Variants in CHD3 observed in about 807,000 individuals in gnomAD.
CHD3 encodes the protein ATP-dependent chromatin remodeler CHD3.
CHD3 carries 52 observed loss-of-function variants against 248.9 expected under a neutral mutation model. The ratio of observed to expected loss-of-function variants is 0.21; its 90% CI spans 0.17 to 0.26. The LOEUF is 0.26. CHD3 is among the 10% of genes least tolerant of loss of function. The pLI, the probability that CHD3 is intolerant of heterozygous loss-of-function variation, is 1.00. For synonymous variants in CHD3, 985 were observed against 985.2 expected (o/e 1.00, Z 0.00); for missense variants, 1,482 against 2,605.8 (o/e 0.57, Z 9.39).
chr17:7,908,115 T>G lies in CHD3; in HGVS notation c.5152+96T>G, dbSNP rs1971224670. On this transcript the variant is annotated intron_variant, in intron 34 of 39. Coordinates refer to ENST00000330494, the MANE Select transcript of CHD3 (RefSeq NM_001005273.3). The surrounding 1 kb of genome is among the most constrained non-coding windows in gnomAD (Gnocchi z 5.8). The stretch of plus-strand genomic sequence containing the variant: ...CCTGAGGCTTCCTGCTACCTTTAAT[T>G]CCAAGTAACTTCCAATGAAGTATGT... 2 of 1,398,520 alleles carry G rather than the reference T, an allele frequency of 1.4e-6. No individual in the cohort carries two copies. Among genetic ancestry groups the G allele is most frequent in the South Asian group, 1.4e-5 (1 of 72,124 alleles). 86.6% of individuals were successfully genotyped at this position (1,398,520 alleles called of 1,614,324 possible). A position where few individuals can be genotyped will look rare whatever the true frequency, so the allele number is the denominator to read the frequency against.
chr17:7,902,959 C>T lies in CHD3; in HGVS notation c.3393C>T (p.Cys1131=), dbSNP rs1488011923. Reference sequence around the variant, plus strand: ...TAGCTCCTGGGGCCCAACAATTCTGCTTCCTCCTGTCCACCCGAGCTGGGG... The same window carrying T: ...TAGCTCCTGGGGCCCAACAATTCTGTTTCCTCCTGTCCACCCGAGCTGGGG... ...RFNAPGAQQF[C]FLLSTRAGGL... The change falls in exon 22 of 40, where the codon TGC becomes TGT. Residue 1131 remains cysteine (C), a synonymous_variant. Coordinates refer to ENST00000330494, the MANE Select transcript of CHD3 (RefSeq NM_001005273.3). The T allele has an allele frequency of 6.2e-7, 1 of 1,614,142 alleles. No homozygotes were observed. Among genetic ancestry groups the T allele is most frequent in the Non-Finnish European group, 8.5e-7 (1 of 1,180,038 alleles).
At chr17:7,898,187 A>G in intron 12 of CHD3, 85 bp downstream of exon 12, 1 of 1,529,416 alleles carries the variant, frequency 6.5e-7, no homozygotes, top group Admixed American at 1.9e-5. Flanking sequence ...AGGGTACAGT[A>G]GGGCCTGATT....
chr17:7,898,876 T>G, intron 13 of CHD3, 135 bp from the exon 14 acceptor site: 3 of 810,082 alleles, frequency 3.7e-6, no homozygotes, highest in Admixed American at 4.7e-5. Context: ...AGACTAGATG[T>G]GAGAACTTTT....
chr17:7,884,836 G>A, upstream of CHD3: 1 of 1,033,464 alleles, frequency 9.7e-7, no homozygotes, highest in Non-Finnish European at 1.4e-6. Flanking sequence ...ACGAGGAGGA[G>A]GAGGAGGAGG....
At chr17:7,885,301 C>CGCCGCCGCCGCCGCCG (rs1967645649), upstream of CHD3, 1 of 137,462 alleles carries the variant, frequency 7.3e-6, no homozygotes, top group Non-Finnish European at 1.2e-5. Flanking sequence ...CCCGCCGCAC[C>CGCCGCCGCCGCCGCCG]CCTCCCCCGC....
At position 7,903,484 on chromosome 17, in the gene CHD3, A is replaced by C; in HGVS notation, c.3708A>C (p.Leu1236=). ...DDILKFGTEE[L]FKDENEGENK... is the part of the protein sequence containing the mutation. ...TTCTCAAATTTGGCACTGAAGAGCTATTCAAGGATGAAAACGAGGGTGAGA... is the reference window on the plus strand; with the variant it reads ...TTCTCAAATTTGGCACTGAAGAGCTCTTCAAGGATGAAAACGAGGGTGAGA... The change falls in exon 23 of 40, where the codon CTA becomes CTC. Residue 1236 remains leucine, a synonymous_variant. Coordinates refer to ENST00000330494, the MANE Select transcript of CHD3 (RefSeq NM_001005273.3). This position sits in a 1 kb window ranked among gnomAD's most constrained non-coding sequence, Gnocchi z 6.8. The C allele has an allele frequency of 6.2e-7, 1 of 1,613,906 alleles. No homozygotes were observed.
rs1164632060 is a variant in CHD3 at position 7,910,903 on chromosome 17, C to CA, written c.5811_5812insA (p.Ala1938SerfsTer104). The CA allele has an allele frequency of 6.2e-7, 1 of 1,613,462 alleles. No individual in the cohort carries two copies. Among genetic ancestry groups the CA allele is most frequent in the Non-Finnish European group, 8.5e-7 (1 of 1,179,860 alleles). Reference sequence around the variant, plus strand: ...CGGGGTACGGGGCGGCCTTCAGCGCCGCACCCGTAGGGGCCCTGGCCGCCG... The same window carrying CA: ...CGGGGTACGGGGCGGCCTTCAGCGCCAGCACCCGTAGGGGCCCTGGCCGCCG... On this transcript the variant is annotated frameshift_variant, in exon 39 of 40. Coordinates refer to ENST00000330494, the MANE Select transcript of CHD3 (RefSeq NM_001005273.3). LOFTEE classifies it high-confidence loss of function. This position sits in a 1 kb window ranked among gnomAD's most constrained non-coding sequence, Gnocchi z 4.7.
chr17:7,894,654 A>G (rs747954298), intron 8 of CHD3, 46 bp downstream of exon 8: 1 of 1,568,734 alleles, frequency 6.4e-7, no homozygotes, highest in South Asian at 1.2e-5. Context: ...GAACCCACCC[A>G]TCTCTTTCCC....
At position 7,895,437 on chromosome 17, in the gene CHD3, A is replaced by G; in HGVS notation, c.1602A>G (p.Pro534=). The G allele has an allele frequency of 6.2e-7, 1 of 1,614,136 alleles. No homozygotes were observed. Among genetic ancestry groups the G allele is most frequent in the Non-Finnish European group, 8.5e-7 (1 of 1,180,010 alleles). The part of the protein sequence containing the change: ...VPAPQQADGN[P]DVPPPRPLQG... ...CCCCTCAACAGGCAGATGGAAATCC[A>G]GATGTCCCACCCCCCCGTCCTCTTC... The change falls in exon 10 of 40, where the codon CCA becomes CCG. Residue 534 remains proline, a synonymous_variant. Coordinates refer to ENST00000330494, the MANE Select transcript of CHD3 (RefSeq NM_001005273.3). The surrounding 1 kb of genome is among the most constrained non-coding windows in gnomAD (Gnocchi z 4.9).
At chr17:7,885,976 A>T (rs770977887), upstream of CHD3, among the ~76,000 whole-genome samples, 12 of 152,084 alleles carry the variant, frequency 7.9e-5, no homozygotes, top group Non-Finnish European at 1.6e-4. Context: ...CACCCCCTTC[A>T]TCTCGCCGGG....
intron 4 of CHD3, 23 bp from the exon 5 acceptor site, chr17:7,893,263 G>A (rs1174220707): frequency 1.3e-6 from 2 of 1,587,072 alleles, no homozygotes; most frequent in Non-Finnish European, 1.7e-6. Flanking sequence ...AAGGGTCCGA[G>A]TTTTCTGCTT....
chr17:7,893,260 C>A (rs372182228), intron 4 of CHD3, 26 bp from the exon 5 acceptor site: 11 of 1,580,830 alleles, frequency 7.0e-6, no homozygotes, highest in Non-Finnish European at 9.5e-6. Flanking sequence ...GTGAAGGGTC[C>A]GAGTTTTCTG....
At position 7,890,960 on chromosome 17, in the gene CHD3, A is replaced by G; in HGVS notation, c.405A>G (p.Ser135=). Residue 135 remains serine, a synonymous_variant, in exon 4 of 40, where the codon TCA becomes TCG. Coordinates refer to ENST00000330494, the MANE Select transcript of CHD3 (RefSeq NM_001005273.3). The part of the protein sequence containing the change: ...GGQKQVEQKS[S]ATLLLTWGLE... ...CGCAGCAAGTGGAACAGAAGTCATCAGCAACTCTGCTTCTGACCTGGGGCC... is the reference window on the plus strand; with the variant it reads ...CGCAGCAAGTGGAACAGAAGTCATCGGCAACTCTGCTTCTGACCTGGGGCC... The G allele has an allele frequency of 6.2e-7, 1 of 1,614,148 alleles. No individual in the cohort carries two copies. The highest frequency in any genetic ancestry group is 8.5e-7 in the Non-Finnish European group (1 of 1,180,032).
chr17:7,901,168 G>T, intron 19 of CHD3, 76 bp from the exon 20 acceptor site: 5 of 1,532,756 alleles, frequency 3.3e-6, no homozygotes, highest in Non-Finnish European at 4.4e-6. Flanking sequence ...CGGGCATCTG[G>T]CCTTCTAGGT....
At position 7,893,912 on chromosome 17, in the gene CHD3, G is replaced by A; in HGVS notation, c.901G>A (p.Gly301Ser). 6.3e-7 allele frequency: 1 copy of A among 1,591,900 alleles called. No homozygotes were observed. The highest frequency in any genetic ancestry group is 8.6e-7 in the Non-Finnish European group (1 of 1,167,088). Residue 301 changes from glycine to serine, a missense_variant, in exon 6 of 40, where the codon GGC becomes AGC. Around this residue, in one of 20 missense-constraint regions of CHD3, gnomAD observed 149 missense variants for 182.6 expected, o/e 0.82. Transcript: ENST00000330494. ...PLKIKLGLLG[G>S]KRKKGGSYVF... ...CAAAATAAAACTAGGGCTTCTGGGT[G>A]GCAAGAGGAAGAAAGGAGGCTCGGT...
chr17:7,887,303 TC>T (rs1176348782), upstream of CHD3, among the ~76,000 whole-genome samples: 1 of 152,064 alleles, frequency 6.6e-6, no homozygotes, highest in African/African-American at 2.4e-5. Context: ...TTTTATCCCT[TC>T]CCCCTCTCTC....
rs1346415014 is a variant in CHD3 at position 7,907,509 on chromosome 17, G to A, written c.4924+21G>A. 3 of 1,550,278 alleles carry A rather than the reference G, an allele frequency of 1.9e-6. No homozygotes were observed. The South Asian group carries it at 3.7e-5, about 19-fold the overall frequency. ...GTCAGGTGGGTGCATGGCCTTAGGA[G>A]TGATGGGGGATTAGAATTTGGGATT... On this transcript the variant is annotated intron_variant, in intron 32 of 39. Coordinates refer to ENST00000330494, the MANE Select transcript of CHD3 (RefSeq NM_001005273.3). The surrounding 1 kb of genome is among the most constrained non-coding windows in gnomAD (Gnocchi z 4.3).
At position 7,891,034 on chromosome 17, in the gene CHD3, C is replaced by G; in HGVS notation, c.479C>G (p.Thr160Ser). The change falls in exon 4 of 40, where the codon ACC (threonine) becomes AGC (serine). Residue 160 changes from threonine (T) to serine (S), a missense_variant. By Grantham distance (58) the Thr-to-Ser change is moderately conservative (BLOSUM62 1). This residue lies in a region of CHD3 where 30 missense variants were observed against 83.5 expected (regional missense o/e 0.36). Coordinates refer to ENST00000330494, the MANE Select transcript of CHD3 (RefSeq NM_001005273.3). ...TCTGAGGAGGATTACCACACGCTCA[C>G]CAACTACAAAGCCTTCAGCCAGTTC... ...VFSEEDYHTL[T>S]NYKAFSQFMR... 1 of 1,614,144 alleles carries G rather than the reference C, an allele frequency of 6.2e-7. No individual in the cohort carries two copies. The highest frequency in any genetic ancestry group is 8.5e-7 in the Non-Finnish European group (1 of 1,180,016).
At position 7,894,408 on chromosome 17, in the gene CHD3, A is replaced by G. The variant is rs757897038; in HGVS notation, c.1076-7A>G. ...CTTCCTTATCCCTCCACCGGGGTAT[A>G]TGACAGTCCTGGGCTGTCCTGCAGT... On this transcript the variant is annotated splice_region_variant and splice_polypyrimidine_tract_variant and intron_variant, in intron 7 of 39. Coordinates refer to ENST00000330494, the MANE Select transcript of CHD3 (RefSeq NM_001005273.3). 26 of 1,608,664 alleles carry G rather than the reference A, an allele frequency of 1.6e-5. No individual in the cohort carries two copies. Among genetic ancestry groups the G allele is most frequent in the Non-Finnish European group, 2.2e-5 (26 of 1,176,200 alleles).
Sources: gnomAD v4.1 joint callset for allele counts (sites outside exome capture counted in the v4.1 genomes callset) on GRCh38, gnomAD v4.1.1 for gene constraint, gnomAD v4.1.1 regional missense constraint, Gnocchi (gnomAD v3.1) non-coding constraint, MANE v1.5 for transcripts, NCBI Gene and HGNC (gene_info 2026-07-23, HGNC 2026-07-21) for gene names.